NHSL2: variants seen among roughly 807,000 people sequenced by gnomAD.
The protein encoded by NHSL2 is NHS like 2, also known as NHS-like protein 2.
NHSL2 carries 27 observed loss-of-function variants against 53.4 expected under a neutral mutation model. That is an observed-to-expected ratio of 0.51 (90% CI 0.37 to 0.70). The LOEUF (loss-of-function observed/expected upper bound fraction) is 0.70. Ranked by LOEUF, NHSL2 falls within the 30% of genes least tolerant of loss-of-function variation. The pLI, the probability that NHSL2 is intolerant of heterozygous loss-of-function variation, is 0.00. For missense variants in NHSL2, 892 were observed against 980.1 expected (o/e 0.91, Z 1.20); for synonymous variants, 408 against 404.1 (o/e 1.01, Z -0.12).
chrX:71,918,463 G>A, intron 1 of NHSL2, among the ~76,000 whole-genome samples: 1 of 109,923 alleles, frequency 9.1e-6, no homozygotes, highest in Middle Eastern at 4.7e-3. Context: ...TCCGAGCACA[G>A]TGTAATTAGC....
In NHSL2 at chrX:72,101,639, C is replaced by T. The variant is rs145028940; in HGVS notation, c.281-30440C>T. Among the ~76,000 whole-genome samples the T allele has an allele frequency of 8.3e-3, 917 of 110,328 alleles. 5 individuals are homozygous for T. The highest frequency in any genetic ancestry group is 0.029 in the African/African-American group (873 of 30,303). Reference sequence around the variant, plus strand: ...GAGCCGAGGGTTCAGAGCAGCTAGGCACAGGAGAAAGGAATTTCCTCCTGT... The same window carrying T: ...GAGCCGAGGGTTCAGAGCAGCTAGGTACAGGAGAAAGGAATTTCCTCCTGT... On this transcript the variant is annotated intron_variant, in intron 1 of 7. Transcript: ENST00000633930.
At chrX:71,915,695 G>A (rs1331507012) in intron 1 of NHSL2, among the ~76,000 whole-genome samples, 1 of 111,538 alleles carries the variant, frequency 9.0e-6, no homozygotes, top group Non-Finnish European at 1.9e-5. Context: ...TGTGGTACCG[G>A]CTGGGTCACA....
intron 1 of NHSL2, among the ~76,000 whole-genome samples, chrX:71,954,185 C>T (rs1309474085): frequency 8.9e-6 from 1 of 112,078 alleles, no homozygotes; most frequent in African/African-American, 3.2e-5. Flanking sequence ...ACTACATGAG[C>T]CAGGAGCTAC....
chrX:72,035,299 G>A (rs2042235316), intron 1 of NHSL2, among the ~76,000 whole-genome samples: 1 of 109,405 alleles, frequency 9.1e-6, no homozygotes, highest in African/African-American at 3.3e-5. Context: ...AGTTTATTGA[G>A]ATTTTTGCCT....
At chrX:71,937,267 G>A (rs977728350) in intron 1 of NHSL2, among the ~76,000 whole-genome samples, 4 of 111,422 alleles carry the variant, frequency 3.6e-5, no homozygotes, top group East Asian at 5.6e-4. Context: ...TTTGAGAGAG[G>A]GGGCTGTAGC....
rs150942517 is a variant in NHSL2, at chrX:72,139,693, C to T, written c.2145C>T (p.Tyr715=). Residue 715 remains tyrosine, a synonymous_variant, in exon 6 of 8, where the codon TAC becomes TAT. Transcript: ENST00000633930. The part of the protein sequence containing the change: ...PPGLMSPSSG[Y]SSQSETPTPT... ...GACTGATGTCACCCTCCAGTGGCTACTCCAGCCAGTCGGAAACACCAACAC... is the reference window on the plus strand; with the variant it reads ...GACTGATGTCACCCTCCAGTGGCTATTCCAGCCAGTCGGAAACACCAACAC... 3.6e-3 allele frequency: 4,393 copies of T among 1,208,143 alleles called. 12 individuals are homozygous for T. Among genetic ancestry groups the T allele is most frequent in the Non-Finnish European group, 4.4e-3 (3,937 of 894,492 alleles).
chrX:71,985,044 C>T (rs2041997432), intron 1 of NHSL2, among the ~76,000 whole-genome samples: 1 of 110,413 alleles, frequency 9.1e-6, no homozygotes, highest in Middle Eastern at 4.6e-3. Context: ...AGGATGGTGT[C>T]GATCTCCTGA....
At position 71,914,751 on chromosome X, in the gene NHSL2, A is replaced by T. The variant is rs190168642; in HGVS notation, c.280+3384A>T. 2.7e-5 allele frequency among the ~76,000 whole-genome samples: 3 copies of T among 112,022 alleles called. No individual in the cohort carries two copies. In the East Asian group the frequency reaches 8.4e-4, roughly 31 times the overall value. On this transcript the variant is annotated intron_variant, in intron 1 of 7. Transcript: ENST00000633930. Reference sequence around the variant, plus strand: ...TGTAAATCTATACGGAGATGAAAAAATGAAAAAAGCACCTCCAGACTGCAA... The same window carrying T: ...TGTAAATCTATACGGAGATGAAAAATTGAAAAAAGCACCTCCAGACTGCAA...
At chrX:72,015,212 C>T (rs1426580581) in intron 1 of NHSL2, among the ~76,000 whole-genome samples, 1 of 111,477 alleles carries the variant, frequency 9.0e-6, no homozygotes, top group African/African-American at 3.3e-5. Context: ...ATTCTTCTCT[C>T]CACCTCCTCT....
intron 1 of NHSL2, among the ~76,000 whole-genome samples, chrX:72,107,345 A>G (rs898885105): frequency 1.8e-5 from 2 of 112,368 alleles, no homozygotes; most frequent in African/African-American, 6.5e-5. Flanking sequence ...CTTTCTTAAA[A>G]AATCTTAAGA....
chrX:72,103,617 G>A (rs773819778), intron 1 of NHSL2, among the ~76,000 whole-genome samples: 1 of 112,225 alleles, frequency 8.9e-6, no homozygotes, highest in Non-Finnish European at 1.9e-5. Flanking sequence ...GCACCTTGGT[G>A]AAGGCATCTT....
intron 1 of NHSL2, among the ~76,000 whole-genome samples, chrX:71,939,008 T>C (rs2041753008): frequency 8.9e-6 from 1 of 112,442 alleles, no homozygotes; most frequent in Non-Finnish European, 1.9e-5. Flanking sequence ...ACAAATATTA[T>C]AGGGCATGGC....
intron 1 of NHSL2, among the ~76,000 whole-genome samples, chrX:72,011,817 G>A (rs1386805447): frequency 1.8e-5 from 2 of 112,024 alleles, no homozygotes; most frequent in Non-Finnish European, 3.8e-5. Flanking sequence ...TTCTTCTCTA[G>A]GTGTGAAGTA....
chrX:72,093,982 A>T (rs1167428844), intron 1 of NHSL2, among the ~76,000 whole-genome samples: 2 of 110,338 alleles, frequency 1.8e-5, no homozygotes, highest in Non-Finnish European at 1.9e-5. Flanking sequence ...GGGTTTCACC[A>T]TGTTGGCCAG....
At chrX:72,015,580 T>C (rs1470284600) in intron 1 of NHSL2, among the ~76,000 whole-genome samples, 1 of 112,382 alleles carries the variant, frequency 8.9e-6, no homozygotes, top group African/African-American at 3.2e-5. Flanking sequence ...GTTGTCCAAT[T>C]TCTACCCATA....
chrX:71,963,501 G>C (rs182916936), intron 1 of NHSL2, among the ~76,000 whole-genome samples: 67 of 110,859 alleles, frequency 6.0e-4, no homozygotes, highest in Non-Finnish European at 1.0e-3. Context: ...TTGTCACACA[G>C]GATCCAAAAA....
intron 1 of NHSL2, among the ~76,000 whole-genome samples, chrX:71,926,267 G>T (rs1453079664): frequency 2.7e-5 from 3 of 112,176 alleles, no homozygotes; most frequent in African/African-American, 9.7e-5. Flanking sequence ...CCTGCCCACA[G>T]TGGCAAGTGG....
At chrX:72,110,604 C>T (rs1325222543) in intron 1 of NHSL2, among the ~76,000 whole-genome samples, 1 of 109,032 alleles carries the variant, frequency 9.2e-6, no homozygotes, top group Non-Finnish European at 1.9e-5. Flanking sequence ...CGGGACACTC[C>T]TTCTAGCCTG....
intron 1 of NHSL2, among the ~76,000 whole-genome samples, chrX:71,991,855 T>TCTCTCTCTCTCTCTCTCTC (rs2042029108): frequency 9.0e-6 from 1 of 111,637 alleles, no homozygotes; most frequent in African/African-American, 3.3e-5. Flanking sequence ...TCTCTCTGTC[T>TCTCTCTCTCTCTCTCTCTC]TTGGCTGTCA....
Sources: allele counts gnomAD v4.1 joint callset (sites outside exome capture counted in the v4.1 genomes callset), GRCh38; gene constraint gnomAD v4.1.1; transcripts MANE v1.5; gene names NCBI Gene and HGNC (gene_info 2026-07-23, HGNC 2026-07-21).